The following MICU3 variants were observed in gnomAD, a reference collection of about 807,000 sequenced individuals.
The protein encoded by MICU3 is mitochondrial calcium uptake 3, also known as calcium uptake protein 3, mitochondrial.
In MICU3, 62 loss-of-function variants were observed where a neutral mutation model predicts 66.5. That is an observed-to-expected ratio of 0.93 (90% confidence interval 0.76 to 1.15). The LOEUF (loss-of-function observed/expected upper bound fraction) is 1.15, where lower values mean the gene tolerates loss of function less well. MICU3 is among the 50% of genes most tolerant of loss of function. The pLI is 0.00. For missense variants in MICU3, 779 were observed against 664.4 expected, an observed-to-expected ratio of 1.17 and a Z score of -1.90; for synonymous variants, 308 against 240.7, an observed-to-expected ratio of 1.28 and a Z score of -2.59.
At chr8:17,073,862 G>A (rs547214087) in intron 3 of MICU3, among the ~76,000 whole-genome samples, 1 of 152,234 alleles carries the variant, frequency 6.6e-6, no homozygotes, top group East Asian at 1.9e-4. Flanking sequence ...ATTAACATGA[G>A]TAGAACTAGA....
In MICU3 at chr8:17,098,467, A is replaced by T. The variant is rs985146618; in HGVS notation, c.898A>T (p.Thr300Ser). ...YHSPTNSVLK[T>S]DAEELVSRSY... is the part of the protein sequence containing the mutation. ...CTTAAAACTTCTACAGGTACTTAAA[A>T]CAGATGCTGAGGAACTTGTCTCCAG... is the stretch of plus-strand genomic sequence containing the variant. Residue 300 changes from threonine (T) to serine (S), a missense_variant, in exon 9 of 15, where the codon ACA becomes TCA. By Grantham distance (58) the Thr-to-Ser change is moderately conservative. Transcript: ENST00000318063. The T allele has an allele frequency of 1.6e-5, 25 of 1,607,936 alleles. No individual in the cohort carries two copies. The highest frequency in any genetic ancestry group is 2.0e-5 in the Non-Finnish European group (24 of 1,175,006).
chr8:17,105,693 T>C (rs750793211), intron 11 of MICU3, 109 bp downstream of exon 11: 2 of 557,644 alleles, frequency 3.6e-6, no homozygotes, highest in Admixed American at 4.1e-5. Context: ...TTAAAAGATA[T>C]CTTGGATGTG....
rs368153367 is a variant in MICU3 at position 17,116,443 on chromosome 8, A to C, written c.1367A>C (p.Asp456Ala). 5.8e-5 allele frequency: 84 copies of C among 1,455,662 alleles called. No homozygotes were observed. The highest frequency in any genetic ancestry group is 7.3e-5 in the Non-Finnish European group (80 of 1,102,908). 90.2% of individuals were successfully genotyped at this position (1,455,662 alleles called of 1,614,324 possible). ...YNFASRSIGQDEFKRAVYVAT... is the reference protein window; with the variant it reads ...YNFASRSIGQAEFKRAVYVAT... ...CTTTTTCTATGTAACATTTATCTAG[A>C]TGAATTTAAACGTGCCGTCTATGTA... The change falls in exon 13 of 15, where the codon GAT becomes GCT. Residue 456 changes from aspartate to alanine, a missense_variant and splice_region_variant. Physicochemically the swap from Asp to Ala is moderately radical, Grantham distance 126. Transcript: ENST00000318063.
chr8:17,096,576 C>T (rs1585479300), intron 8 of MICU3, among the ~76,000 whole-genome samples: 1 of 151,604 alleles, frequency 6.6e-6, no homozygotes, highest in East Asian at 1.9e-4. Flanking sequence ...TGTTTCTGCC[C>T]TCAGAAACTT....
intron 1 of MICU3, among the ~76,000 whole-genome samples, chr8:17,049,019 C>T (rs776878084): frequency 6.6e-5 from 10 of 151,826 alleles, no homozygotes; most frequent in East Asian, 1.9e-4. Flanking sequence ...TTCTGTATTT[C>T]GGGGATGGAT....
chr8:17,135,053 G>T, the MICU3 span, among the ~76,000 whole-genome samples: 2 of 152,170 alleles, frequency 1.3e-5, no homozygotes, highest in Non-Finnish European at 2.9e-5. Flanking sequence ...GGTCATGCCT[G>T]CTTCTTACAA....
In MICU3 at chr8:17,033,250, G is replaced by A. The variant is rs114747627; in HGVS notation, c.381+5590G>A. Among the ~76,000 whole-genome samples, 1,005 of 152,288 alleles carry A rather than the reference G, an allele frequency of 6.6e-3. 11 individuals carry two copies. The highest frequency in any genetic ancestry group is 0.023 in the African/African-American group (945 of 41,550). On this transcript the variant is annotated intron_variant, in intron 1 of 14. Transcript: ENST00000318063. ...GATAGGTCTCTTGTGGAAAGAGTTAGCGAAGTTGTGAATGCAGCGGAAAAG... is the reference window on the plus strand; with the variant it reads ...GATAGGTCTCTTGTGGAAAGAGTTAACGAAGTTGTGAATGCAGCGGAAAAG...
chr8:17,060,350 G>T (rs1447022756), intron 1 of MICU3, among the ~76,000 whole-genome samples: 1 of 151,524 alleles, frequency 6.6e-6, no homozygotes, highest in Admixed American at 6.6e-5. Flanking sequence ...AGGCTGGAGT[G>T]CAGTGGTGTG....
At chr8:17,072,123 A>C (rs1295496334) in intron 3 of MICU3, among the ~76,000 whole-genome samples, 1 of 152,134 alleles carries the variant, frequency 6.6e-6, no homozygotes, top group Non-Finnish European at 1.5e-5. Context: ...TGAGATGAGA[A>C]TAATGGGGTT....
chr8:17,034,523 G>C (rs1379020190), intron 1 of MICU3, among the ~76,000 whole-genome samples: 1 of 152,164 alleles, frequency 6.6e-6, no homozygotes, highest in Non-Finnish European at 1.5e-5. Context: ...AAAACTTTCT[G>C]GAAAGGATTT....
chr8:17,111,258 A>T (rs1183813616), intron 11 of MICU3, among the ~76,000 whole-genome samples: 3 of 152,012 alleles, frequency 2.0e-5, no homozygotes, highest in Non-Finnish European at 4.4e-5. Flanking sequence ...TATCAGATAT[A>T]TTATTTGCAA....
chr8:17,029,113 G>C (rs1424587967), intron 1 of MICU3, among the ~76,000 whole-genome samples: 1 of 152,178 alleles, frequency 6.6e-6, no homozygotes, highest in Admixed American at 6.5e-5. Context: ...GTCTCCTGGG[G>C]TGTTATGAGA....
At chr8:17,072,027 A>C (rs1347699369) in intron 3 of MICU3, among the ~76,000 whole-genome samples, 1 of 152,168 alleles carries the variant, frequency 6.6e-6, no homozygotes, top group African/African-American at 2.4e-5. Context: ...ATTGATCCGA[A>C]ATTAACTTTT....
At chr8:17,128,172 C>T in the MICU3 span, among the ~76,000 whole-genome samples, 4 of 151,702 alleles carry the variant, frequency 2.6e-5, no homozygotes, top group Non-Finnish European at 4.4e-5. Context: ...CCTGAATGGG[C>T]CCTCCTCTTC....
chr8:17,032,505 G>A (rs1250692482), intron 1 of MICU3, among the ~76,000 whole-genome samples: 1 of 152,212 alleles, frequency 6.6e-6, no homozygotes, highest in Non-Finnish European at 1.5e-5. Context: ...ACATATTTGA[G>A]TATTACTGTG....
chr8:17,104,349 C>A, intron 9 of MICU3, 42 bp from the exon 10 acceptor site: 2 of 1,050,918 alleles, frequency 1.9e-6, no homozygotes, highest in Non-Finnish European at 2.6e-6. Context: ...TATTCTGTTT[C>A]TTTTATTGAA....
chr8:17,129,792 A>G, the MICU3 span, among the ~76,000 whole-genome samples: 1 of 152,240 alleles, frequency 6.6e-6, no homozygotes, highest in Non-Finnish European at 1.5e-5. Context: ...AAGAGTTTCA[A>G]GAAGTTTAAC....
intron 2 of MICU3, among the ~76,000 whole-genome samples, chr8:17,066,625 C>T (rs963207230): frequency 1.3e-5 from 2 of 149,100 alleles, no homozygotes; most frequent in Non-Finnish European, 3.0e-5. Flanking sequence ...TCACTACAAC[C>T]TCAACCTCCG....
rs919763381 is a variant in MICU3, at chr8:17,087,122, A to G, written c.849+87A>G. On this transcript the variant is annotated intron_variant, in intron 7 of 14. Coordinates refer to ENST00000318063, the MANE Select transcript of MICU3 (RefSeq NM_181723.3). ...TAAGAAACAATAATTAAAGTTTGTA[A>G]CTTTGAAGCTGTCCCTTTCTTGAAA... is the stretch of plus-strand genomic sequence containing the variant. 9.9e-6 allele frequency: 9 copies of G among 909,694 alleles called. No individual in the cohort carries two copies. The Admixed American group carries it at 2.2e-4, about 22-fold the overall frequency. 56.4% of individuals were successfully genotyped at this position (909,694 alleles called of 1,614,324 possible). A position where few individuals can be genotyped will look rare whatever the true frequency, so the allele number is the denominator to read the frequency against.
Sources: gnomAD v4.1 joint callset for allele counts (sites outside exome capture counted in the v4.1 genomes callset) on GRCh38, gnomAD v4.1.1 for gene constraint, MANE v1.5 for transcripts, NCBI Gene and HGNC (gene_info 2026-07-23, HGNC 2026-07-21) for gene names.